Variants in SLC1A2 observed in about 807,000 individuals in gnomAD.
SLC1A2 encodes excitatory amino acid transporter 2.
A neutral mutation model predicts 48.8 loss-of-function variants in SLC1A2; 15 were observed. The observed-to-expected ratio is 0.31, with a 90% CI of 0.21 to 0.47. The LOEUF is 0.47. Among genes scored for constraint, SLC1A2 ranks in the 20% least tolerant of loss-of-function variants. The pLI is 0.99. For synonymous variants in SLC1A2, 279 were observed against 272.6 expected, an observed-to-expected ratio of 1.02 and a Z score of -0.23; for missense variants, 502 against 730.5, an observed-to-expected ratio of 0.69 and a Z score of 3.61.
At chr11:35,301,484 A>T (rs376561799) in intron 6 of SLC1A2, 35 bp downstream of exon 6, 1 of 1,608,682 alleles carries the variant, frequency 6.2e-7, no homozygotes, top group African/African-American at 1.3e-5. Context: ...GGCTTTCTCA[A>T]CCCACTGCTA....
At chr11:35,280,699 T>C in intron 9 of SLC1A2, 168 bp downstream of exon 9, 1 of 528,176 alleles carries the variant, frequency 1.9e-6, no homozygotes. Flanking sequence ...ATCTTTTTCT[T>C]CTTTGGTTCT....
At chr11:35,333,769 C>A (rs1031709082) in intron 1 of SLC1A2, among the ~76,000 whole-genome samples, 17 of 151,574 alleles carry the variant, frequency 1.1e-4, no homozygotes, top group African/African-American at 4.1e-4. Context: ...TCAAGCAATT[C>A]TCATGCCTCA....
intron 5 of SLC1A2, among the ~76,000 whole-genome samples, chr11:35,303,961 C>G (rs1393622865): frequency 6.6e-6 from 1 of 152,168 alleles, no homozygotes; most frequent in East Asian, 1.9e-4. Context: ...GTGGAAAGAA[C>G]CTTATTTCAG....
chr11:35,301,419 G>T, intron 6 of SLC1A2, 100 bp downstream of exon 6: 1 of 1,064,706 alleles, frequency 9.4e-7, no homozygotes, highest in Non-Finnish European at 1.4e-6. Flanking sequence ...CATTTGATCA[G>T]CCCATGCCAA....
rs149032139 is a variant in SLC1A2, at chr11:35,392,691, A to G, written c.17+26259T>C. On this transcript the variant is annotated intron_variant, in intron 1 of 10. Transcript: ENST00000278379. The stretch of plus-strand genomic sequence containing the variant: ...AATGGCAGTGGAGGGTCTTGGGAAA[A>G]CTGTCTGGAGGGAATGCCCCGAGTC... Among the ~76,000 whole-genome samples, 363 of 152,148 alleles carry G rather than the reference A, an allele frequency of 2.4e-3. 1 individual carries two copies. Among genetic ancestry groups the G allele is most frequent in the African/African-American group, 8.0e-3 (332 of 41,498 alleles).
At chr11:35,288,098 C>T (rs1313319549) in intron 7 of SLC1A2, among the ~76,000 whole-genome samples, 1 of 152,114 alleles carries the variant, frequency 6.6e-6, no homozygotes, top group East Asian at 1.9e-4. Flanking sequence ...TGGGAGAAGA[C>T]CATCTGCTCC....
chr11:35,366,388 G>T (rs1188130931), intron 1 of SLC1A2, among the ~76,000 whole-genome samples: 1 of 152,170 alleles, frequency 6.6e-6, no homozygotes, highest in Non-Finnish European at 1.5e-5. Flanking sequence ...GCTACTCTCT[G>T]TGTGTACACA....
rs749790921 is a variant in SLC1A2, at chr11:35,281,011, C to T, written c.1287-10G>A. On this transcript the variant is annotated splice_polypyrimidine_tract_variant and intron_variant, in intron 8 of 10. Coordinates refer to ENST00000278379, the MANE Select transcript of SLC1A2 (RefSeq NM_004171.4). ...CAGGGTGGCTGTGAGGCTATGAGAA[C>T]AGAGAAGTTCAGGTCATGGAAATGG... 5.0e-6 allele frequency: 8 copies of T among 1,588,596 alleles called. No individual in the cohort carries two copies. In the East Asian group the frequency reaches 1.6e-4, roughly 32 times the overall value.
rs1434400370 is a variant in SLC1A2 at position 35,265,829 on chromosome 11, G to C, written c.1422-71C>G. 3 of 911,854 alleles carry C rather than the reference G, an allele frequency of 3.3e-6. No individual in the cohort carries two copies. The African/African-American group carries it at 4.9e-5, about 15-fold the overall frequency. 56.5% of individuals were successfully genotyped at this position (911,854 alleles called of 1,614,324 possible). A position where few individuals can be genotyped will look rare whatever the true frequency, so the allele number is the denominator to read the frequency against. On this transcript the variant is annotated intron_variant, in intron 9 of 10. Coordinates refer to ENST00000278379, the MANE Select transcript of SLC1A2 (RefSeq NM_004171.4). ...GTGGTAGTTGAGAGGTCAAGGTCTG[G>C]AGTCAGAGAGACATAGGGTTGAGTA...
Position 35,251,387 on chromosome 11 carries a change from G to T in SLC1A2, c.*9507C>A, listed in dbSNP as rs868705426. 1.3e-5 allele frequency: 2 copies of T among 152,586 alleles called. No individual in the cohort carries two copies. The highest frequency in any genetic ancestry group is 1.5e-5 in the Non-Finnish European group (1 of 68,006). The allele number at this position is 152,586 out of a possible 1,614,324, so 9.5% of individuals were successfully genotyped here. On this transcript the variant is annotated 3_prime_UTR_variant, in exon 11 of 11. Transcript: ENST00000278379. ...TAGAAAGCTAAAGGCGAAAACAAAA[G>T]ACCTCAACTACCCAAAATGTGCTTC...
At chr11:35,398,223 G>A (rs1392086170) in intron 1 of SLC1A2, among the ~76,000 whole-genome samples, 1 of 151,942 alleles carries the variant, frequency 6.6e-6, no homozygotes, top group Non-Finnish European at 1.5e-5. Flanking sequence ...CTTTTGAAGG[G>A]GATAGAAAAA....
intron 1 of SLC1A2, chr11:35,399,677 T>C (rs956292448): frequency 4.1e-5 from 36 of 875,468 alleles, no homozygotes; most frequent in Non-Finnish European, 4.9e-5. Flanking sequence ...TTCAGCTCTT[T>C]CCATCTGCAG....
At chr11:35,382,764 C>T (rs1009013972) in intron 1 of SLC1A2, among the ~76,000 whole-genome samples, 3 of 151,870 alleles carry the variant, frequency 2.0e-5, no homozygotes, top group African/African-American at 7.3e-5. Context: ...CCACTGCACT[C>T]CAGCTTGGGC....
At chr11:35,396,443 T>C (rs1854960735) in intron 1 of SLC1A2, among the ~76,000 whole-genome samples, 1 of 131,506 alleles carries the variant, frequency 7.6e-6, no homozygotes, top group Non-Finnish European at 1.6e-5. Context: ...ATGAGCATTT[T>C]TTCATGTGTT....
chr11:35,401,004 G>T (rs1356540448), intron 1 of SLC1A2, among the ~76,000 whole-genome samples: 4 of 152,164 alleles, frequency 2.6e-5, no homozygotes, highest in African/African-American at 7.2e-5. Context: ...CAAGGAGGTG[G>T]GTGGGCGGGG....
At chr11:35,345,670 T>C (rs766682156) in intron 1 of SLC1A2, among the ~76,000 whole-genome samples, 15 of 151,918 alleles carry the variant, frequency 9.9e-5, no homozygotes, top group Non-Finnish European at 1.8e-4. Context: ...CAGAGTTAAC[T>C]ATAACCCCTT....
intron 1 of SLC1A2, chr11:35,370,835 G>T: frequency 2.2e-6 from 1 of 447,530 alleles, no homozygotes; most frequent in Non-Finnish European, 3.0e-6. Context: ...GAATTTCCAT[G>T]ACCTCCCAGG....
At chr11:35,292,058 G>T in intron 7 of SLC1A2, 1 of 503,204 alleles carries the variant, frequency 2.0e-6, no homozygotes. Flanking sequence ...AATTTAATGT[G>T]AGATCGTATT....
At chr11:35,358,575 C>T (rs1853563487) in intron 1 of SLC1A2, among the ~76,000 whole-genome samples, 1 of 152,218 alleles carries the variant, frequency 6.6e-6, no homozygotes, top group Non-Finnish European at 1.5e-5. Flanking sequence ...TCCAGACTTT[C>T]TCAATGTTTT....
Sources: gnomAD v4.1 joint callset for allele counts (sites outside exome capture counted in the v4.1 genomes callset) on GRCh38, gnomAD v4.1.1 for gene constraint, MANE v1.5 for transcripts, NCBI Gene and HGNC (gene_info 2026-07-23, HGNC 2026-07-21) for gene names.